The following LAMA1 variants were observed in gnomAD, a reference collection of about 807,000 sequenced individuals.
LAMA1 encodes laminin subunit alpha-1.
Under a neutral mutation model 348.7 loss-of-function variants are expected in LAMA1, and 219 were observed. That is an observed-to-expected ratio of 0.63 (90% confidence interval 0.56 to 0.70). The LOEUF (loss-of-function observed/expected upper bound fraction) is 0.70, where lower values mean the gene tolerates loss of function less well. Ranked by LOEUF, LAMA1 falls within the 30% of genes least tolerant of loss-of-function variation. The pLI, the probability that LAMA1 is intolerant of heterozygous loss-of-function variation, is 0.00. For missense variants in LAMA1, 3,744 were observed against 3,888.0 expected (o/e 0.96, Z 0.99); for synonymous variants, 1,487 against 1,491.0 (o/e 1.00, Z 0.06).
intron 1 of LAMA1, among the ~76,000 whole-genome samples, chr18:7,095,580 G>A (rs1371835488): frequency 6.6e-6 from 1 of 152,200 alleles, no homozygotes. Context: ...GAGAGTGCCA[G>A]CTCTCTTTCA....
intron 17 of LAMA1, 38 bp from the exon 18 acceptor site, chr18:7,024,504 G>T: frequency 6.7e-7 from 1 of 1,500,204 alleles, no homozygotes; most frequent in Non-Finnish European, 9.3e-7. Flanking sequence ...TTTTCCAATG[G>T]ATGAAGCCGA....
chr18:7,054,501 T>C (rs1256852255), intron 3 of LAMA1, among the ~76,000 whole-genome samples: 1 of 152,204 alleles, frequency 6.6e-6, no homozygotes, highest in Non-Finnish European at 1.5e-5. Context: ...TTTCTCCAGG[T>C]GAACTGCTAC....
rs566844790 is a variant in LAMA1 at position 6,994,485 on chromosome 18, T to C, written c.4897-733A>G. The stretch of plus-strand genomic sequence containing the variant: ...CAGAGAATTTATTTTAATCAGCCTA[T>C]TTCCAACCAAATGTTTGCTTGATGA... On this transcript the variant is annotated intron_variant, in intron 34 of 62. Transcript: ENST00000389658. 4.6e-5 allele frequency among the ~76,000 whole-genome samples: 7 copies of C among 152,308 alleles called. No homozygotes were observed. The East Asian group carries it at 9.7e-4, about 21-fold the overall frequency.
chr18:6,977,714 G>A lies in LAMA1; in HGVS notation c.6345+13C>T. The A allele has an allele frequency of 2.5e-6, 4 of 1,613,820 alleles. No homozygotes were observed. The highest frequency in any genetic ancestry group is 1.7e-6 in the Non-Finnish European group (2 of 1,179,886). On this transcript the variant is annotated intron_variant, in intron 44 of 62. Coordinates refer to ENST00000389658, the MANE Select transcript of LAMA1 (RefSeq NM_005559.4). ...AGAGCCCAGTTACGAAAGCCACGGG[G>A]CCCCAAACTCACAGAAGCTGCTTGT...
rs376163958 is a variant in LAMA1, at chr18:6,961,785, A to T, written c.7453-26T>A. 2.3e-5 allele frequency: 37 copies of T among 1,613,558 alleles called. No homozygotes were observed. In the African/African-American group the frequency reaches 3.5e-4, roughly 15 times the overall value. On this transcript the variant is annotated intron_variant, in intron 52 of 62. Coordinates refer to ENST00000389658, the MANE Select transcript of LAMA1 (RefSeq NM_005559.4). The stretch of plus-strand genomic sequence containing the variant: ...CTGGACACAGAGGAGATGGAACAGC[A>T]TGGTGAGTTCCTAGCTGCGGCCAAA...
intron 42 of LAMA1, among the ~76,000 whole-genome samples, chr18:6,979,864 A>T (rs1027628635): frequency 1.3e-5 from 2 of 152,134 alleles, no homozygotes; most frequent in Non-Finnish European, 2.9e-5. Flanking sequence ...GCGCCACTGC[A>T]CTCCAGCCTG....
intron 1 of LAMA1, among the ~76,000 whole-genome samples, chr18:7,084,959 T>G (rs570516925): frequency 6.6e-6 from 1 of 152,286 alleles, no homozygotes; most frequent in South Asian, 2.1e-4. Context: ...ATTTTTCAAA[T>G]GATTCAGAAG....
chr18:7,025,856 T>C (rs1007303722), intron 17 of LAMA1, 123 bp downstream of exon 17: 3 of 1,375,830 alleles, frequency 2.2e-6, no homozygotes, highest in East Asian at 2.5e-5. Context: ...TCCAAATCAA[T>C]TGTCACTGGG....
At chr18:6,945,212 A>G (rs542405003) in intron 61 of LAMA1, among the ~76,000 whole-genome samples, 14 of 152,146 alleles carry the variant, frequency 9.2e-5, no homozygotes, top group Non-Finnish European at 1.5e-4. Context: ...CATTTTTTAG[A>G]TGTCACATAA....
chr18:7,088,244 G>A (rs4798531), intron 1 of LAMA1, among the ~76,000 whole-genome samples: 2 of 152,042 alleles, frequency 1.3e-5, no homozygotes, highest in South Asian at 2.1e-4. Flanking sequence ...CGTCTCCTCC[G>A]TCCTCCCTGC....
intron 7 of LAMA1, among the ~76,000 whole-genome samples, chr18:7,044,048 C>T (rs547401974): frequency 6.7e-6 from 1 of 149,916 alleles, no homozygotes; most frequent in East Asian, 2.0e-4. Context: ...CCCAGCTACT[C>T]AGGAGGCTGA....
At chr18:6,951,733 G>A (rs534137888) in intron 57 of LAMA1, among the ~76,000 whole-genome samples, 465 of 152,338 alleles carry the variant, frequency 3.1e-3, no homozygotes, top group Non-Finnish European at 5.8e-3. Context: ...GCTTAGACCA[G>A]GGTGGCGGTG....
chr18:7,002,116 G>T, intron 30 of LAMA1, 148 bp downstream of exon 30: 1 of 1,037,864 alleles, frequency 9.6e-7, no homozygotes, highest in Non-Finnish European at 1.4e-6. Context: ...ATGCTTTTGA[G>T]AATGAACACC....
intron 1 of LAMA1, among the ~76,000 whole-genome samples, chr18:7,115,867 A>T (rs1402512563): frequency 6.7e-6 from 1 of 150,260 alleles, no homozygotes; most frequent in Non-Finnish European, 1.5e-5. Context: ...CTGTAGTCCC[A>T]GCTACTCGGG....
In LAMA1 at chr18:6,976,225, A is replaced by C; in HGVS notation, c.6346-145T>G. ...ACATACAATGGTTCATGTTTCATGA[A>C]GTGACATATCAGATGGTAACAAAAA... On this transcript the variant is annotated intron_variant, in intron 44 of 62. Transcript: ENST00000389658. 2.6e-6 allele frequency: 2 copies of C among 769,452 alleles called. 1 individual carries two copies. The highest frequency in any genetic ancestry group is 3.0e-5 in the South Asian group (2 of 67,248). The allele number at this position is 769,452 out of a possible 1,614,324, so 47.7% of individuals were successfully genotyped here.
At chr18:7,039,039 A>T (rs2058009126) in intron 10 of LAMA1, 89 bp from the exon 11 acceptor site, 14 of 1,053,484 alleles carry the variant, frequency 1.3e-5, no homozygotes, top group Non-Finnish European at 2.1e-5. Context: ...GTGTTCGGTG[A>T]TCCACAGAGA....
At chr18:7,050,282 C>G (rs570223773) in intron 4 of LAMA1, among the ~76,000 whole-genome samples, 33 of 152,320 alleles carry the variant, frequency 2.2e-4, no homozygotes, top group African/African-American at 7.5e-4. Flanking sequence ...TGTATACAAT[C>G]TGGGCATGTT....
intron 18 of LAMA1, among the ~76,000 whole-genome samples, chr18:7,023,735 G>A (rs1219825910): frequency 1.3e-5 from 2 of 152,130 alleles, no homozygotes; most frequent in African/African-American, 4.8e-5. Flanking sequence ...CCAGAAGACG[G>A]CTACTAAAGC....
At chr18:6,950,458 G>T (rs2057541398) in intron 58 of LAMA1, among the ~76,000 whole-genome samples, 1 of 152,182 alleles carries the variant, frequency 6.6e-6, no homozygotes, top group Admixed American at 6.5e-5. Context: ...CAGAGTTCCG[G>T]TTATCAGAAA....
Sources: allele counts gnomAD v4.1 joint callset (sites outside exome capture counted in the v4.1 genomes callset), GRCh38; gene constraint gnomAD v4.1.1; transcripts MANE v1.5; gene names NCBI Gene and HGNC (gene_info 2026-07-23, HGNC 2026-07-21).